Variants in NAV3 observed in about 807,000 individuals in gnomAD.
NAV3 encodes the protein pore membrane and/or filament interacting like protein 1.
NAV3 carries 87 observed loss-of-function variants against 244.7 expected under a neutral mutation model. That is an observed-to-expected ratio of 0.36 (90% CI 0.30 to 0.42). NAV3 has a LOEUF of 0.42. Among genes scored for constraint, NAV3 ranks in the 20% least tolerant of loss-of-function variants. The pLI, the probability that NAV3 is intolerant of heterozygous loss-of-function variation, is 1.00. For synonymous variants in NAV3, 1,126 were observed against 1,042.2 expected (o/e 1.08, Z -1.55); for missense variants, 2,663 against 2,893.3 (o/e 0.92, Z 1.83).
chr12:78,128,620 G>T, intron 17 of NAV3, 86 bp from the exon 18 acceptor site: 1 of 1,350,992 alleles, frequency 7.4e-7, no homozygotes, highest in Non-Finnish European at 1.0e-6. Flanking sequence ...ATTCTGAATA[G>T]TAACCTCCTC....
At chr12:78,117,033 T>A in intron 13 of NAV3, 129 bp downstream of exon 13, 1 of 1,061,442 alleles carries the variant, frequency 9.4e-7, no homozygotes. Context: ...AATGCAGAGA[T>A]AATAAGGACT....
chr12:77,978,475 A>G (rs548662159), intron 5 of NAV3, among the ~76,000 whole-genome samples: 1 of 152,122 alleles, frequency 6.6e-6, no homozygotes, highest in Non-Finnish European at 1.5e-5. Context: ...CTGATTATAT[A>G]TGTAATTATT....
intron 1 of NAV3, among the ~76,000 whole-genome samples, chr12:77,925,296 A>G (rs1192185892): frequency 6.6e-6 from 1 of 152,190 alleles, no homozygotes; most frequent in Non-Finnish European, 1.5e-5. Context: ...TAGAGGCTTG[A>G]ATTTGAAATT....
chr12:78,080,220 C>G (rs1019677008), intron 12 of NAV3, among the ~76,000 whole-genome samples: 1 of 152,030 alleles, frequency 6.6e-6, no homozygotes, highest in Non-Finnish European at 1.5e-5. Flanking sequence ...GATTGAGACA[C>G]AAAGTATAAA....
At chr12:78,024,594 ACT>A (rs1239205628) in intron 9 of NAV3, among the ~76,000 whole-genome samples, 4 of 151,976 alleles carry the variant, frequency 2.6e-5, no homozygotes, top group African/African-American at 9.7e-5. Context: ...TACTTAGATT[ACT>A]CTCTCTTCTC....
chr12:77,946,753 G>A (rs1026379740), intron 3 of NAV3, among the ~76,000 whole-genome samples: 1 of 152,134 alleles, frequency 6.6e-6, no homozygotes, highest in Non-Finnish European at 1.5e-5. Flanking sequence ...GCAAAAATAT[G>A]TCCAACATTT....
At chr12:78,031,519 A>T (rs926195394) in intron 9 of NAV3, among the ~76,000 whole-genome samples, 2 of 151,998 alleles carry the variant, frequency 1.3e-5, no homozygotes, top group African/African-American at 4.8e-5. Context: ...ATAAGAGAAA[A>T]TGTGGCACAT....
At chr12:77,594,149 A>G (rs1870057235) in intron 2 of NAV3, among the ~76,000 whole-genome samples, 1 of 152,202 alleles carries the variant, frequency 6.6e-6, no homozygotes, top group African/African-American at 2.4e-5. Flanking sequence ...CAGAGGAATT[A>G]TGGATATTAT....
intron 18 of NAV3, among the ~76,000 whole-genome samples, chr12:78,134,828 A>G (rs1956305636): frequency 6.6e-6 from 1 of 152,204 alleles, no homozygotes; most frequent in African/African-American, 2.4e-5. Context: ...TCAAGTTACT[A>G]CAAATAAATA....
chr12:77,967,251 A>G (rs577687802), intron 4 of NAV3, among the ~76,000 whole-genome samples: 1 of 152,198 alleles, frequency 6.6e-6, no homozygotes, highest in South Asian at 2.1e-4. Flanking sequence ...AATATACATG[A>G]ATGCTCAAAA....
At chr12:77,638,959 A>C (rs1872274206) in intron 2 of NAV3, among the ~76,000 whole-genome samples, 1 of 152,144 alleles carries the variant, frequency 6.6e-6, no homozygotes. Context: ...CCTCCACTCT[A>C]TTCCGCAGAG....
chr12:77,929,521 C>G (rs1031531013), intron 1 of NAV3, among the ~76,000 whole-genome samples: 5 of 152,154 alleles, frequency 3.3e-5, no homozygotes, highest in Non-Finnish European at 4.4e-5. Context: ...TCAAGTCTTG[C>G]TGATTCTACT....
intron 20 of NAV3, among the ~76,000 whole-genome samples, chr12:78,142,455 T>C (rs1956657310): frequency 6.6e-6 from 1 of 151,828 alleles, no homozygotes; most frequent in African/African-American, 2.4e-5. Flanking sequence ...TGAATTGACT[T>C]TTTTATTTTA....
At chr12:77,963,045 T>C (rs548109784) in intron 3 of NAV3, among the ~76,000 whole-genome samples, 2 of 152,244 alleles carry the variant, frequency 1.3e-5, no homozygotes, top group South Asian at 4.1e-4. Context: ...ATTCAAATAA[T>C]AATGAAGGAA....
intron 2 of NAV3, among the ~76,000 whole-genome samples, chr12:77,640,976 G>T (rs1872384339): frequency 6.6e-6 from 1 of 152,066 alleles, no homozygotes; most frequent in South Asian, 2.1e-4. Context: ...TTGTGGAAAT[G>T]ACATTGACTA....
At chr12:77,866,994 G>A (rs2136399934) in intron 1 of NAV3, among the ~76,000 whole-genome samples, 1 of 152,328 alleles carries the variant, frequency 6.6e-6, no homozygotes, top group Non-Finnish European at 1.5e-5. Context: ...CATCTCTAGA[G>A]TTGTGACACT....
chr12:77,950,566 A>C (rs1890775793), intron 3 of NAV3: 1 of 152,164 alleles, frequency 6.6e-6, no homozygotes, highest in Non-Finnish European at 1.5e-5. Context: ...GGAAATAACT[A>C]CTTTAAAGTT....
chr12:78,205,192 C>A, intron 39 of NAV3, 54 bp downstream of exon 39: 2 of 1,519,702 alleles, frequency 1.3e-6, no homozygotes, highest in South Asian at 2.3e-5. Context: ...AGTGTATAGT[C>A]ATTAATATTT....
chr12:77,922,774 T>G (rs148346961), intron 1 of NAV3, among the ~76,000 whole-genome samples: 1 of 152,196 alleles, frequency 6.6e-6, no homozygotes, highest in Non-Finnish European at 1.5e-5. Context: ...AAAATACTCT[T>G]AAACTGTTCT....
Sources: allele counts gnomAD v4.1 joint callset (sites outside exome capture counted in the v4.1 genomes callset), GRCh38; gene constraint gnomAD v4.1.1; transcripts MANE v1.5; gene names NCBI Gene and HGNC (gene_info 2026-07-23, HGNC 2026-07-21).